ADPRHL1: variants seen among roughly 807,000 people sequenced by gnomAD.
ADPRHL1 encodes ADP-ribosylhydrolase like 1, also known as inactive ADP-ribosyltransferase ARH2.
ADPRHL1 carries 43 observed loss-of-function variants against 44.1 expected under a neutral mutation model. The ratio of observed to expected loss-of-function variants is 0.98; its 90% CI spans 0.76 to 1.26. The LOEUF is 1.26. Among genes scored for constraint, ADPRHL1 ranks in the 50% most tolerant of loss-of-function variants. ADPRHL1 has a pLI of 0.00. For missense variants in ADPRHL1, 2,022 were observed against 2,496.9 expected (o/e 0.81, Z 4.05); for synonymous variants, 878 against 1,017.4 (o/e 0.86, Z 2.61).
chr13:113,420,043 G>C lies in ADPRHL1; in HGVS notation c.1061+2783C>G, dbSNP rs576571353. On this transcript the variant is annotated intron_variant, in intron 7 of 7. Transcript: ENST00000612156. ...GAAGGAGGCTTAGGCGACCGTGACC[G>C]TGTTATCTGGGTGGTTGGAAGCAGC... 4.0e-5 allele frequency among the ~76,000 whole-genome samples: 6 copies of C among 151,680 alleles called. No homozygotes were observed. The South Asian group carries it at 6.3e-4, about 16-fold the overall frequency.
rs539089910 is a variant in ADPRHL1, at chr13:113,403,047, G to A, written c.*331C>T. The A allele has an allele frequency of 9.6e-5, 19 of 197,596 alleles. No homozygotes were observed. The highest frequency in any genetic ancestry group is 5.7e-4 in the South Asian group (3 of 5,222). The allele number at this position is 197,596 out of a possible 1,614,324, so 12.2% of individuals were successfully genotyped here. A position where few individuals can be genotyped will look rare whatever the true frequency, so the allele number is the denominator to read the frequency against. ...GGGGACGCACACACCGTGCCACTGC[G>A]GGAGGTGTGAGCTCCACGCTGCAGG... On this transcript the variant is annotated 3_prime_UTR_variant, in exon 8 of 8. Transcript: ENST00000612156.
intron 2 of ADPRHL1, among the ~76,000 whole-genome samples, chr13:113,438,075 C>G (rs2044073823): frequency 6.6e-6 from 1 of 152,092 alleles, no homozygotes; most frequent in Non-Finnish European, 1.5e-5. Flanking sequence ...AGGTGATCAG[C>G]CTGCCTTGGC....
chr13:113,399,826 G>C lies in ADPRHL1; in HGVS notation c.*3552C>G, dbSNP rs2043742928. 1 of 151,934 alleles carries C rather than the reference G, an allele frequency of 6.6e-6. No individual in the cohort carries two copies. The highest frequency in any genetic ancestry group is 6.6e-5 in the Admixed American group (1 of 15,242). 9.4% of individuals were successfully genotyped at this position (151,934 alleles called of 1,614,324 possible). A position where few individuals can be genotyped will look rare whatever the true frequency, so the allele number is the denominator to read the frequency against. Reference sequence around the variant, plus strand: ...GAAAGACCGTAACTCCAACAGCAGAGATACCCTGAGAACAGAATAAGGAGG... The same window carrying C: ...GAAAGACCGTAACTCCAACAGCAGACATACCCTGAGAACAGAATAAGGAGG... On this transcript the variant is annotated 3_prime_UTR_variant, in exon 8 of 8. Coordinates refer to ENST00000612156, the MANE Select transcript of ADPRHL1 (RefSeq NM_001394807.1).
intron 7 of ADPRHL1, 127 bp downstream of exon 7, chr13:113,422,699 T>C (rs778299205): frequency 1.2e-5 from 14 of 1,165,282 alleles, no homozygotes; most frequent in Non-Finnish European, 1.7e-5. Flanking sequence ...GAGTTAGATG[T>C]GGCCAGTCAG....
At chr13:113,430,307 C>G (rs1253331362) in intron 3 of ADPRHL1, among the ~76,000 whole-genome samples, 1 of 152,236 alleles carries the variant, frequency 6.6e-6, no homozygotes, top group Non-Finnish European at 1.5e-5. Flanking sequence ...TGGTCACCGT[C>G]TGGGTGGAGA....
At chr13:113,444,774 C>G (rs572519677) in intron 1 of ADPRHL1, among the ~76,000 whole-genome samples, 185 bp from the exon 2 acceptor site, 4 of 152,172 alleles carry the variant, frequency 2.6e-5, no homozygotes, top group Non-Finnish European at 4.4e-5. Context: ...AGGTGCCCAC[C>G]ACCACGCCCG....
rs573743040 is a variant in ADPRHL1, at chr13:113,404,978, G to A, written c.4304C>T (p.Ala1435Val). Residue 1435 changes from alanine (A) to valine (V), a missense_variant, in exon 8 of 8, where the codon GCC (alanine) becomes GTC (valine). Physicochemically the swap from Ala to Val is moderately conservative, Grantham distance 64 (BLOSUM62 0). Around this residue, in one of 8 missense-constraint regions of ADPRHL1, gnomAD observed 1,221 missense variants for 1,517.8 expected, o/e 0.80. Coordinates refer to ENST00000612156, the MANE Select transcript of ADPRHL1 (RefSeq NM_001394807.1). ...CTGACCTTGGTCACTGCGCTGGCAG[G>A]CGCCCCCAACCCCAATGGCCATCCC... is the stretch of plus-strand genomic sequence containing the variant. ...DKGMAIGVGG[A>V]CQRSDQGQQH... is the part of the protein sequence containing the mutation. The A allele has an allele frequency of 1.3e-5, 16 of 1,235,038 alleles. No individual in the cohort carries two copies. The South Asian group carries it at 6.4e-4, about 50-fold the overall frequency. The allele number at this position is 1,235,038 out of a possible 1,614,324, so 76.5% of individuals were successfully genotyped here.
chr13:113,433,753 T>C lies in ADPRHL1; in HGVS notation c.494A>G (p.Asn165Ser), dbSNP rs1451115646. 3.4e-6 allele frequency: 5 copies of C among 1,474,288 alleles called. No individual in the cohort carries two copies. Among genetic ancestry groups the C allele is most frequent in the Non-Finnish European group, 3.6e-6 (4 of 1,099,276 alleles). 91.3% of individuals were successfully genotyped at this position (1,474,288 alleles called of 1,614,324 possible). ...CCGCCCACACTTACCTGTGGGATGG[T>C]TGTGGGTCATCCGGCCGCACTCCAC... ...VSVECGRMTH[N>S]HPTGFLGSLC... The change falls in exon 3 of 8, where the codon AAC becomes AGC. Residue 165 changes from asparagine (N) to serine (S), a missense_variant. Transcript: ENST00000612156.
intron 3 of ADPRHL1, among the ~76,000 whole-genome samples, chr13:113,431,804 C>T (rs1406664149): frequency 6.6e-6 from 1 of 151,210 alleles, no homozygotes; most frequent in African/African-American, 2.4e-5. Flanking sequence ...CAACCTCCAC[C>T]TCCCGGGTTC....
At chr13:113,424,660 CCCATCCATTCACCATCCAT>C (rs2043950647) in intron 5 of ADPRHL1, among the ~76,000 whole-genome samples, 1 of 141,826 alleles carries the variant, frequency 7.1e-6, no homozygotes, top group Admixed American at 6.9e-5. Context: ...TAGCCACCCA[CCCATCCATTCACCATCCAT>C]TCATCTATCC....
At position 113,406,319 on chromosome 13, in the gene ADPRHL1, G is replaced by A. The variant is rs1429376243; in HGVS notation, c.2963C>T (p.Pro988Leu). The change falls in exon 8 of 8, where the codon CCG (proline) becomes CTG (leucine). Residue 988 changes from proline (P) to leucine (L), a missense_variant. Pro to Leu is a moderately conservative substitution (Grantham distance 98). This residue lies in a region of ADPRHL1 where 1,221 missense variants were observed against 1,517.8 expected (regional missense o/e 0.80). Transcript: ENST00000612156. ...RTSELRDVKH[P>L]LPESNEISMQ... is the part of the protein sequence containing the mutation. The stretch of plus-strand genomic sequence containing the variant: ...TGATATTTCATTAGATTCCGGCAAC[G>A]GATGCTTCACATCTCTGAGCTCAGA... The A allele has an allele frequency of 4.1e-6, 5 of 1,232,096 alleles. No individual in the cohort carries two copies. The highest frequency in any genetic ancestry group is 8.2e-5 in the South Asian group (2 of 24,316). The allele number at this position is 1,232,096 out of a possible 1,614,324, so 76.3% of individuals were successfully genotyped here.
intron 7 of ADPRHL1, 67 bp downstream of exon 7, chr13:113,422,759 G>A (rs1173321188): frequency 2.6e-5 from 41 of 1,590,592 alleles, no homozygotes; most frequent in East Asian, 1.1e-4. Context: ...CAGGGGCTGC[G>A]AGAGGGCCCT....
In ADPRHL1 at chr13:113,407,566, C is replaced by T. The variant is rs906924956; in HGVS notation, c.1716G>A (p.Thr572=). The T allele has an allele frequency of 3.1e-5, 38 of 1,232,268 alleles. No individual in the cohort carries two copies. The East Asian group carries it at 4.7e-4, about 15-fold the overall frequency. 76.3% of individuals were successfully genotyped at this position (1,232,268 alleles called of 1,614,324 possible). The change falls in exon 8 of 8, where the codon ACG becomes ACA. Residue 572 remains threonine, a synonymous_variant. Transcript: ENST00000612156. ...GCAGGTTCCTCTTCTTCCGCTCCTG[C>T]GTGTGCAGCCTCAGCGCACTGGCCT... ...CSEASALRLH[T]QERKKRNLQR... is the part of the protein sequence containing the mutation.
chr13:113,452,028 G>A (rs2044182087), intron 1 of ADPRHL1, among the ~76,000 whole-genome samples: 1 of 152,168 alleles, frequency 6.6e-6, no homozygotes, highest in Non-Finnish European at 1.5e-5. Flanking sequence ...GCTGGTATGA[G>A]CGCACACACG....
intron 3 of ADPRHL1, among the ~76,000 whole-genome samples, chr13:113,430,999 C>T (rs2044003081): frequency 6.6e-6 from 1 of 152,180 alleles, no homozygotes; most frequent in Non-Finnish European, 1.5e-5. Flanking sequence ...GTGGATGGGG[C>T]ATGTGGGGCT....
chr13:113,415,750 C>CAAAAATAAA (rs2043884017), intron 7 of ADPRHL1, among the ~76,000 whole-genome samples: 1 of 63,070 alleles, frequency 1.6e-5, no homozygotes, highest in South Asian at 6.5e-4. Flanking sequence ...GACTCCATCT[C>CAAAAATAAA]AAAAAAAAAA....
intron 3 of ADPRHL1, among the ~76,000 whole-genome samples, chr13:113,431,905 C>T (rs974676509): frequency 3.3e-5 from 5 of 152,088 alleles, no homozygotes; most frequent in Admixed American, 6.5e-5. Context: ...TTAGTAGAGA[C>T]GAGGTTTCAC....
intron 5 of ADPRHL1, 119 bp from the exon 6 acceptor site, chr13:113,424,468 C>A: frequency 1.4e-6 from 2 of 1,389,564 alleles, no homozygotes; most frequent in Non-Finnish European, 2.0e-6. Context: ...CCACCCTTTT[C>A]TTTTTGAGAT....
In ADPRHL1 at chr13:113,399,979, G is replaced by T. The variant is rs966104830; in HGVS notation, c.*3399C>A. On this transcript the variant is annotated 3_prime_UTR_variant, in exon 8 of 8. Transcript: ENST00000612156. ...GTGCACCGCCTCCCGCCCGGCTGTT[G>T]TCACTTGCACCCACAGACCTGCGGC... The T allele has an allele frequency of 6.6e-6, 1 of 151,594 alleles. No homozygotes were observed. The highest frequency in any genetic ancestry group is 1.5e-5 in the Non-Finnish European group (1 of 67,858). 9.4% of individuals were successfully genotyped at this position (151,594 alleles called of 1,614,324 possible). A position where few individuals can be genotyped will look rare whatever the true frequency, so the allele number is the denominator to read the frequency against.
Sources: allele counts gnomAD v4.1 joint callset (sites outside exome capture counted in the v4.1 genomes callset), GRCh38; gene constraint gnomAD v4.1.1; regional missense constraint gnomAD v4.1.1; transcripts MANE v1.5; gene names NCBI Gene and HGNC (gene_info 2026-07-23, HGNC 2026-07-21).